The following RAD51B variants were observed in gnomAD, a reference collection of about 807,000 sequenced individuals.
The protein encoded by RAD51B is RAD51 paralog B, also known as DNA repair protein RAD51 homolog 2.
In RAD51B, 38 loss-of-function variants were observed where a neutral mutation model predicts 42.2. That is an observed-to-expected ratio of 0.90 (90% confidence interval 0.70 to 1.18). RAD51B has a LOEUF of 1.18. Among genes scored for constraint, RAD51B ranks in the 50% most tolerant of loss-of-function variants. The pLI, the probability that RAD51B is intolerant of heterozygous loss-of-function variation, is 0.00. For synonymous variants in RAD51B, 154 were observed against 145.2 expected (o/e 1.06, Z -0.43); for missense variants, 373 against 400.7 (o/e 0.93, Z 0.59).
chr14:67,874,421 G>A (rs1406009465), intron 5 of RAD51B, among the ~76,000 whole-genome samples: 1 of 127,174 alleles, frequency 7.9e-6, no homozygotes, highest in Non-Finnish European at 1.7e-5. Context: ...CTTTTTTTGT[G>A]ATTTTTTTTT....
At chr14:68,491,702 A>G (rs1203828873) in intron 10 of RAD51B, among the ~76,000 whole-genome samples, 1 of 152,188 alleles carries the variant, frequency 6.6e-6, no homozygotes, top group Non-Finnish European at 1.5e-5. Flanking sequence ...CCCGAGTCCC[A>G]ATTCCCCAGT....
chr14:68,103,354 G>C (rs1202994150), intron 7 of RAD51B, among the ~76,000 whole-genome samples: 1 of 152,064 alleles, frequency 6.6e-6, no homozygotes, highest in Non-Finnish European at 1.5e-5. Context: ...CCTCTTATGA[G>C]AAACTAGAAA....
intron 7 of RAD51B, among the ~76,000 whole-genome samples, chr14:67,932,750 TC>T (rs2044787157): frequency 6.6e-6 from 1 of 152,072 alleles, no homozygotes; most frequent in African/African-American, 2.4e-5. Context: ...CTTAGACTTG[TC>T]CACTCTTGGC....
intron 4 of RAD51B, among the ~76,000 whole-genome samples, chr14:67,842,182 T>C (rs2041452647): frequency 6.6e-6 from 1 of 152,174 alleles, no homozygotes; most frequent in Admixed American, 6.5e-5. Context: ...TTGACTTGGC[T>C]CTCAGCTGGA....
chr14:68,535,625 C>T (rs570770354), intron 10 of RAD51B, among the ~76,000 whole-genome samples: 22 of 152,226 alleles, frequency 1.4e-4, no homozygotes, highest in African/African-American at 4.1e-4. Context: ...CATCTGGGAG[C>T]GCCCTCCGAA....
intron 7 of RAD51B, among the ~76,000 whole-genome samples, chr14:68,273,426 A>G (rs757047328): frequency 2.0e-5 from 3 of 152,234 alleles, no homozygotes; most frequent in Non-Finnish European, 4.4e-5. Context: ...TGTAAAATTA[A>G]GCTGTTCTAT....
chr14:68,405,692 G>A (rs998639606), intron 8 of RAD51B, among the ~76,000 whole-genome samples: 1 of 151,904 alleles, frequency 6.6e-6, no homozygotes, highest in Non-Finnish European at 1.5e-5. Flanking sequence ...AAATACATGG[G>A]TACTTTTTTA....
At chr14:67,951,165 T>G (rs7155985) in intron 7 of RAD51B, among the ~76,000 whole-genome samples, 27,068 of 152,192 alleles carry the variant, frequency 0.18, 2,622 homozygotes, top group Middle Eastern at 0.36. Context: ...GCTCAGTGCA[T>G]GGTTGCCACA....
At chr14:68,617,957 G>A (rs576059234) in intron 10 of RAD51B, among the ~76,000 whole-genome samples, 1 of 151,490 alleles carries the variant, frequency 6.6e-6, no homozygotes, top group Non-Finnish European at 1.5e-5. Context: ...ATGGCCAGAA[G>A]CAAAAATCTT....
Position 68,135,884 on chromosome 14 carries a change from T to A in RAD51B, c.757-156000T>A, listed in dbSNP as rs565793814. 1.4e-4 allele frequency among the ~76,000 whole-genome samples: 22 copies of A among 152,302 alleles called. No homozygotes were observed. In the South Asian group the frequency reaches 4.6e-3, roughly 32 times the overall value. On this transcript the variant is annotated intron_variant, in intron 7 of 10. Coordinates refer to ENST00000471583, the MANE Select transcript of RAD51B (RefSeq NM_133510.4). ...CAGGGATGGCTGAAGATTCTAAATA[T>A]GAGATTCCAAAGTCCACCGTTCACC... is the stretch of plus-strand genomic sequence containing the variant.
At chr14:68,563,305 C>T (rs1222229772) in intron 10 of RAD51B, 1 of 985,286 alleles carries the variant, frequency 1.0e-6, no homozygotes, top group Non-Finnish European at 1.2e-6. Flanking sequence ...TGGGCTTGTT[C>T]TCTCCTCGGG....
intron 7 of RAD51B, among the ~76,000 whole-genome samples, chr14:68,142,624 A>G (rs1443041960): frequency 6.6e-6 from 1 of 152,210 alleles, no homozygotes; most frequent in African/African-American, 2.4e-5. Flanking sequence ...GGATAAACAG[A>G]GGCCATAGTT....
intron 7 of RAD51B, among the ~76,000 whole-genome samples, chr14:67,967,315 C>G (rs1290398324): frequency 1.3e-5 from 2 of 152,082 alleles, no homozygotes; most frequent in East Asian, 3.9e-4. Context: ...GCCTCTGGCC[C>G]CCTCAAATCT....
intron 7 of RAD51B, among the ~76,000 whole-genome samples, chr14:68,224,455 G>C (rs2079994598): frequency 6.6e-6 from 1 of 152,024 alleles, no homozygotes; most frequent in Non-Finnish European, 1.5e-5. Context: ...TTGAGCAGCA[G>C]TCAAAATTTT....
chr14:68,009,562 G>C (rs1224782152), intron 7 of RAD51B, among the ~76,000 whole-genome samples: 1 of 151,780 alleles, frequency 6.6e-6, no homozygotes, highest in East Asian at 1.9e-4. Context: ...GTCTAGTGTA[G>C]GGTTTGCTAC....
chr14:68,305,092 C>T (rs546646740), intron 8 of RAD51B, among the ~76,000 whole-genome samples: 1 of 152,268 alleles, frequency 6.6e-6, no homozygotes, highest in Admixed American at 6.5e-5. Flanking sequence ...GAAGTGGGTT[C>T]TAGTATTTTT....
chr14:68,112,439 T>TATGGCA (rs2077473963), intron 7 of RAD51B, among the ~76,000 whole-genome samples: 1 of 152,088 alleles, frequency 6.6e-6, no homozygotes, highest in Non-Finnish European at 1.5e-5. Context: ...GGTGCCTAGC[T>TATGGCA]CCCTGGACTA....
chr14:68,618,311 A>G (rs779444651), intron 10 of RAD51B, among the ~76,000 whole-genome samples: 2 of 152,204 alleles, frequency 1.3e-5, no homozygotes, highest in Non-Finnish European at 2.9e-5. Context: ...CAAACAGGAA[A>G]CTACAAGACA....
At chr14:68,661,343 C>T (rs1443294988) in intron 11 of RAD51B, among the ~76,000 whole-genome samples, 1 of 152,168 alleles carries the variant, frequency 6.6e-6, no homozygotes, top group Non-Finnish European at 1.5e-5. Flanking sequence ...AGGGCAGGAA[C>T]CATGTCTGTT....
Sources: allele counts gnomAD v4.1 joint callset (sites outside exome capture counted in the v4.1 genomes callset), GRCh38; gene constraint gnomAD v4.1.1; transcripts MANE v1.5; gene names NCBI Gene and HGNC (gene_info 2026-07-23, HGNC 2026-07-21).